The following ADCY2 variants were observed in gnomAD, a reference collection of about 807,000 sequenced individuals.
ADCY2 encodes adenylate cyclase 2, also known as adenylate cyclase type 2.
Under a neutral mutation model 125.2 loss-of-function variants are expected in ADCY2, and 31 were observed. The observed-to-expected ratio is 0.25, with a 90% CI of 0.19 to 0.33. ADCY2 has a LOEUF of 0.33. ADCY2 is among the 10% of genes least tolerant of loss of function. ADCY2 has a pLI of 1.00. For synonymous variants in ADCY2, 512 were observed against 548.4 expected (o/e 0.93, Z 0.93); for missense variants, 904 against 1,418.2 (o/e 0.64, Z 5.82).
At chr5:7,424,430 G>C (rs1360446136) in intron 2 of ADCY2, among the ~76,000 whole-genome samples, 1 of 152,380 alleles carries the variant, frequency 6.6e-6, no homozygotes, top group Non-Finnish European at 1.5e-5. Flanking sequence ...ATTTGGACTT[G>C]GCATTCTGCC....
chr5:7,448,352 G>A (rs909455557), intron 2 of ADCY2, among the ~76,000 whole-genome samples: 18 of 152,142 alleles, frequency 1.2e-4, no homozygotes, highest in African/African-American at 4.3e-4. Flanking sequence ...CGTGCTCAGA[G>A]TTTCTGGTGC....
chr5:7,524,732 T>C (rs1734396454), intron 3 of ADCY2, among the ~76,000 whole-genome samples: 1 of 152,178 alleles, frequency 6.6e-6, no homozygotes, highest in Admixed American at 6.5e-5. Flanking sequence ...CGGTGGTGGG[T>C]GCATCCTCCC....
chr5:7,565,044 G>A (rs547641334), intron 3 of ADCY2, among the ~76,000 whole-genome samples: 212 of 152,296 alleles, frequency 1.4e-3, no homozygotes, highest in Non-Finnish European at 2.4e-3. Context: ...AAATAGAAAT[G>A]CTGAAGCAGG....
intron 3 of ADCY2, among the ~76,000 whole-genome samples, chr5:7,588,343 A>C (rs1201924100): frequency 6.6e-6 from 1 of 152,254 alleles, no homozygotes; most frequent in Non-Finnish European, 1.5e-5. Flanking sequence ...TACATATTAC[A>C]ACAAGGCCAA....
intron 4 of ADCY2, among the ~76,000 whole-genome samples, chr5:7,657,353 T>C (rs1349615645): frequency 6.6e-6 from 1 of 152,236 alleles, no homozygotes; most frequent in Non-Finnish European, 1.5e-5. Flanking sequence ...CACGCATACT[T>C]TTCTGCGTAT....
intron 3 of ADCY2, among the ~76,000 whole-genome samples, chr5:7,601,573 A>G (rs1005858980): frequency 6.6e-6 from 1 of 152,214 alleles, no homozygotes; most frequent in African/African-American, 2.4e-5. Context: ...CTTAAAGAGA[A>G]TAAGAAACTT....
At chr5:7,786,498 A>G (rs1302234610) in intron 19 of ADCY2, among the ~76,000 whole-genome samples, 6 of 152,174 alleles carry the variant, frequency 3.9e-5, no homozygotes, top group Non-Finnish European at 7.3e-5. Context: ...CTTTTTTGAA[A>G]TGATGGAGAT....
chr5:7,454,362 G>T (rs1741588040), intron 2 of ADCY2, among the ~76,000 whole-genome samples: 1 of 152,146 alleles, frequency 6.6e-6, no homozygotes, highest in African/African-American at 2.4e-5. Context: ...AAAAATTGGT[G>T]CGACTCACTT....
At chr5:7,722,316 T>A (rs574375270) in intron 12 of ADCY2, among the ~76,000 whole-genome samples, 1 of 152,310 alleles carries the variant, frequency 6.6e-6, no homozygotes, top group African/African-American at 2.4e-5. Context: ...AAGGAGGTGC[T>A]GGTTTTATTT....
Position 7,745,652 on chromosome 5 carries a change from C to T in ADCY2, c.1956+1900C>T, listed in dbSNP as rs537537562. ...CAGGCTCCCCTGCTCTCTTCCTTGC[C>T]CCCACAAATCTCCTGAAGCCCATGT... On this transcript the variant is annotated intron_variant, in intron 15 of 24. Coordinates refer to ENST00000338316, the MANE Select transcript of ADCY2 (RefSeq NM_020546.3). Among the ~76,000 whole-genome samples the T allele has an allele frequency of 2.0e-5, 3 of 152,294 alleles. No homozygotes were observed. In the South Asian group the frequency reaches 6.2e-4, roughly 32 times the overall value.
chr5:7,546,164 G>C (rs1561086138), intron 3 of ADCY2, among the ~76,000 whole-genome samples: 1 of 152,124 alleles, frequency 6.6e-6, no homozygotes, highest in Non-Finnish European at 1.5e-5. Context: ...GTTTTCTTGT[G>C]CGGATTCCTA....
Position 7,724,586 on chromosome 5 carries a change from T to A in ADCY2, c.1745T>A (p.Leu582His), listed in dbSNP as rs575100503. 1 of 1,598,780 alleles carries A rather than the reference T, an allele frequency of 6.3e-7. No individual in the cohort carries two copies. The highest frequency in any genetic ancestry group is 1.8e-5 in the Admixed American group (1 of 55,738). The change falls in exon 13 of 25, where the codon CTT (leucine) becomes CAT (histidine). Residue 582 changes from leucine to histidine, a missense_variant. Physicochemically the swap from Leu to His is moderately conservative, Grantham distance 99 (BLOSUM62 -3). This residue lies in a region of ADCY2 where 144 missense variants were observed against 227.7 expected (regional missense o/e 0.63). Coordinates refer to ENST00000338316, the MANE Select transcript of ADCY2 (RefSeq NM_020546.3). The stretch of plus-strand genomic sequence containing the variant: ...GAAGACATTCAGAGAATCTCACTGC[T>A]TTTCTATAACAAAGTACTAGAAAAA... ...KSEDIQRISL[L>H]FYNKVLEKEY...
chr5:7,651,836 C>A (rs1299673968), intron 4 of ADCY2, among the ~76,000 whole-genome samples: 1 of 152,056 alleles, frequency 6.6e-6, no homozygotes, highest in Non-Finnish European at 1.5e-5. Flanking sequence ...TGGAGTCTCG[C>A]TCTGTCACAA....
At chr5:7,698,114 A>T in intron 6 of ADCY2, 133 bp from the exon 7 acceptor site, 1 of 1,058,662 alleles carries the variant, frequency 9.4e-7, no homozygotes. Context: ...AGGGAAGCCC[A>T]ACTGGTTCTC....
chr5:7,477,513 A>G (rs886716814), intron 2 of ADCY2, among the ~76,000 whole-genome samples: 3 of 152,162 alleles, frequency 2.0e-5, no homozygotes, highest in African/African-American at 7.2e-5. Context: ...GTCACATAGC[A>G]GGTGCCAGAA....
intron 2 of ADCY2, among the ~76,000 whole-genome samples, chr5:7,503,772 G>C (rs1382546933): frequency 6.6e-6 from 1 of 152,240 alleles, no homozygotes; most frequent in Admixed American, 6.5e-5. Context: ...CAATGTGCAT[G>C]TGGGCACTCA....
At chr5:7,598,762 G>C (rs1421181574) in intron 3 of ADCY2, among the ~76,000 whole-genome samples, 1 of 152,140 alleles carries the variant, frequency 6.6e-6, no homozygotes, top group African/African-American at 2.4e-5. Context: ...AGTGATGTGT[G>C]ACACCTCCCG....
At chr5:7,518,788 C>G (rs1744340938) in intron 2 of ADCY2, among the ~76,000 whole-genome samples, 1 of 152,088 alleles carries the variant, frequency 6.6e-6, no homozygotes, top group South Asian at 2.1e-4. Context: ...CAGAGTCCAC[C>G]CTGTTGTCTC....
intron 2 of ADCY2, among the ~76,000 whole-genome samples, chr5:7,428,437 T>C (rs563340089): frequency 1.3e-5 from 2 of 152,342 alleles, no homozygotes; most frequent in African/African-American, 4.8e-5. Context: ...ATATATGATT[T>C]ATAACCATTT....
Sources: allele counts gnomAD v4.1 joint callset (sites outside exome capture counted in the v4.1 genomes callset), GRCh38; gene constraint gnomAD v4.1.1; regional missense constraint gnomAD v4.1.1; transcripts MANE v1.5; gene names NCBI Gene and HGNC (gene_info 2026-07-23, HGNC 2026-07-21).